The following AHDC1 variants were observed in gnomAD, a reference collection of about 807,000 sequenced individuals.
AHDC1 encodes the protein AT-hook DNA binding motif containing 1.
A neutral mutation model predicts 87.9 loss-of-function variants in AHDC1; 7 were observed. The observed-to-expected ratio is 0.08, with a 90% CI of 0.05 to 0.15. The LOEUF (loss-of-function observed/expected upper bound fraction) is 0.15, where lower values mean the gene tolerates loss of function less well. Among genes scored for constraint, AHDC1 ranks in the 10% least tolerant of loss-of-function variants. The pLI is 1.00. For synonymous variants in AHDC1, 1,051 were observed against 1,006.8 expected (o/e 1.04, Z -0.83); for missense variants, 1,841 against 2,253.2 (o/e 0.82, Z 3.70).
Position 27,548,487 on chromosome 1 carries a change from T to A in AHDC1, c.3629A>T (p.Glu1210Val). ...SLEKLMMDWN[E>V]ASSAPGYNWN... ...GTTGTAGCCGGGGGCAGATGATGCCTCGTTCCAGTCCATCATCAGTTTCTC... is the reference window on the plus strand; with the variant it reads ...GTTGTAGCCGGGGGCAGATGATGCCACGTTCCAGTCCATCATCAGTTTCTC... The change falls in exon 8 of 9, where the codon GAG becomes GTG. Residue 1210 changes from glutamate (E) to valine (V), a missense_variant. Glu to Val is a moderately radical substitution (Grantham distance 121). Coordinates refer to ENST00000673934, the MANE Select transcript of AHDC1 (RefSeq NM_001371928.1). 1 of 1,613,906 alleles carries A rather than the reference T, an allele frequency of 6.2e-7. No individual in the cohort carries two copies. The highest frequency in any genetic ancestry group is 8.5e-7 in the Non-Finnish European group (1 of 1,180,028).
chr1:27,543,875 A>G (rs1170553187), intron 8 of AHDC1, among the ~76,000 whole-genome samples: 1 of 152,088 alleles, frequency 6.6e-6, no homozygotes, highest in Non-Finnish European at 1.5e-5. Context: ...CCCAGGAGGC[A>G]GAGGCTGCAG....
intron 3 of AHDC1, among the ~76,000 whole-genome samples, chr1:27,579,940 A>G (rs1357486374): frequency 3.9e-5 from 6 of 152,190 alleles, no homozygotes; most frequent in Non-Finnish European, 8.8e-5. Flanking sequence ...GTGGTTCTAG[A>G]CAGTGCTGCC....
intron 3 of AHDC1, among the ~76,000 whole-genome samples, chr1:27,580,867 G>A (rs1375908600): frequency 6.6e-6 from 1 of 151,740 alleles, no homozygotes; most frequent in Non-Finnish European, 1.5e-5. Context: ...ATGGAGTCTC[G>A]CTCTGTCGCC....
At chr1:27,576,821 C>G (rs1411190229) in intron 3 of AHDC1, among the ~76,000 whole-genome samples, 1 of 152,202 alleles carries the variant, frequency 6.6e-6, no homozygotes, top group Non-Finnish European at 1.5e-5. Context: ...CAGTGTCACC[C>G]TTACAACAGT....
chr1:27,598,484 G>A lies in AHDC1; in HGVS notation c.-629+4913C>T, dbSNP rs548371606. ...GGCCAGGAGAGGCCAGGCCTTGGGC[G>A]AAGGAGGGGCTGGGAGCCAGGGCTT... On this transcript the variant is annotated intron_variant, in intron 3 of 8. Transcript: ENST00000673934. This position sits in a 1 kb window ranked among gnomAD's most constrained non-coding sequence, Gnocchi z 4.2. 5.9e-5 allele frequency among the ~76,000 whole-genome samples: 9 copies of A among 152,332 alleles called. No homozygotes were observed. Among genetic ancestry groups the A allele is most frequent in the East Asian group, 3.9e-4 (2 of 5,182 alleles).
intron 8 of AHDC1, among the ~76,000 whole-genome samples, chr1:27,541,024 A>AAAAAAAC (rs2018889590): frequency 7.2e-6 from 1 of 138,552 alleles, no homozygotes; most frequent in African/African-American, 2.8e-5. Context: ...AAAAAAAAAA[A>AAAAAAAC]AACAACAACA....
chr1:27,573,140 T>A (rs2088595778), intron 3 of AHDC1, among the ~76,000 whole-genome samples: 1 of 151,838 alleles, frequency 6.6e-6, no homozygotes, highest in Non-Finnish European at 1.5e-5. Context: ...GGGGGTGGGG[T>A]GGGGATACCT....
chr1:27,550,302 G>A lies in AHDC1; in HGVS notation c.1814C>T (p.Ala605Val). 1 of 1,614,120 alleles carries A rather than the reference G, an allele frequency of 6.2e-7. No individual in the cohort carries two copies. The highest frequency in any genetic ancestry group is 8.5e-7 in the Non-Finnish European group (1 of 1,179,996). The change falls in exon 8 of 9, where the codon GCC (alanine) becomes GTC (valine). Residue 605 changes from alanine to valine, a missense_variant. Physicochemically the swap from Ala to Val is moderately conservative, Grantham distance 64. This residue lies in a region of AHDC1 where 84 missense variants were observed against 111.7 expected (regional missense o/e 0.75). Transcript: ENST00000673934. ...TGAGTACTCGGCCTTGCTGTCGTTG[G>A]CGTCTGCTGCATAGGATGGCTGGGG... is the stretch of plus-strand genomic sequence containing the variant. ...ASPQPSYAAD[A>V]NDSKAEYSDV... is the part of the protein sequence containing the mutation.
In AHDC1 at chr1:27,547,466, G is replaced by C. The variant is rs753712788; in HGVS notation, c.4650C>G (p.Pro1550=). Residue 1550 remains proline (P), a synonymous_variant, in exon 8 of 9, where the codon CCC becomes CCG. Coordinates refer to ENST00000673934, the MANE Select transcript of AHDC1 (RefSeq NM_001371928.1). The surrounding 1 kb of genome is among the most constrained non-coding windows in gnomAD (Gnocchi z 4.9). Reference sequence around the variant, plus strand: ...GGGGCAGCAGCGAGTCCCTCGGCACGGGGGACAGGGTCAAGTCACTAAGGA... The same window carrying C: ...GGGGCAGCAGCGAGTCCCTCGGCACCGGGGACAGGGTCAAGTCACTAAGGA... ...CPLLSDLTLS[P]VPRDSLLPLQ... is the part of the protein sequence containing the mutation. 1.9e-6 allele frequency: 3 copies of C among 1,595,506 alleles called. No individual in the cohort carries two copies. Among genetic ancestry groups the C allele is most frequent in the Middle Eastern group, 3.3e-4 (2 of 6,002 alleles).
chr1:27,541,856 C>T (rs1456803011), intron 8 of AHDC1, among the ~76,000 whole-genome samples: 1 of 152,220 alleles, frequency 6.6e-6, no homozygotes, highest in Non-Finnish European at 1.5e-5. Context: ...TCTCGAACTC[C>T]CAACCTCAGG....
At chr1:27,543,277 T>C (rs528349260) in intron 8 of AHDC1, among the ~76,000 whole-genome samples, 7 of 152,290 alleles carry the variant, frequency 4.6e-5, no homozygotes, top group Admixed American at 2.6e-4. Flanking sequence ...CAGGGTCTGA[T>C]AGGGTCGATC....
At chr1:27,596,422 G>A (rs765922279) in intron 3 of AHDC1, among the ~76,000 whole-genome samples, 6 of 152,082 alleles carry the variant, frequency 3.9e-5, no homozygotes, top group South Asian at 2.1e-4. Flanking sequence ...AACCACTGAC[G>A]CCAGAAGAGA....
intron 3 of AHDC1, among the ~76,000 whole-genome samples, chr1:27,584,618 A>T (rs535123120): frequency 6.6e-6 from 1 of 151,850 alleles, no homozygotes; most frequent in East Asian, 1.9e-4. Context: ...CAACCCTTCC[A>T]CCTCTCCCAT....
Position 27,551,453 on chromosome 1 carries a change from CGCAGCCGTGGCT to C in AHDC1, c.651_662del (p.Ala220_Thr223del). ...CAGGCTCTGGGGGCAGACCCGTGGC[CGCAGCCGTGGCT>C]CCGGGACTATGGCCTTGGCCAGGCT... is the stretch of plus-strand genomic sequence containing the variant. On this transcript the variant is annotated inframe_deletion, in exon 8 of 9. Transcript: ENST00000673934. The C allele has an allele frequency of 1.2e-6, 2 of 1,611,890 alleles. No individual in the cohort carries two copies. The highest frequency in any genetic ancestry group is 1.7e-6 in the Non-Finnish European group (2 of 1,179,658).
At chr1:27,572,025 G>A (rs1446058931) in intron 3 of AHDC1, among the ~76,000 whole-genome samples, 1 of 151,990 alleles carries the variant, frequency 6.6e-6, no homozygotes, top group Non-Finnish European at 1.5e-5. Context: ...TGGGCCCTCA[G>A]CTCCTGCCAG....
intron 3 of AHDC1, among the ~76,000 whole-genome samples, chr1:27,600,402 C>A (rs1295350517): frequency 6.6e-6 from 1 of 151,368 alleles, no homozygotes; most frequent in African/African-American, 2.4e-5. Flanking sequence ...GGTACACAGG[C>A]ATGGCACCCC....
intron 3 of AHDC1, among the ~76,000 whole-genome samples, chr1:27,585,253 CA>C (rs35143338): frequency 0.03 from 2,013 of 66,336 alleles, 16 homozygotes; most frequent in African/African-American, 0.057. Context: ...GACCCTGTCT[CA>C]AAAAAAAAAA....
chr1:27,589,296 T>C (rs1344190968), intron 3 of AHDC1, among the ~76,000 whole-genome samples: 7 of 152,206 alleles, frequency 4.6e-5, no homozygotes, highest in African/African-American at 1.7e-4. Context: ...TTTGTCTGTG[T>C]CCGGGTGTGC....
chr1:27,580,191 C>A (rs151102844), intron 3 of AHDC1, among the ~76,000 whole-genome samples: 59 of 152,246 alleles, frequency 3.9e-4, no homozygotes, highest in Admixed American at 5.9e-4. Flanking sequence ...GGGGTAAGCC[C>A]TTCCAGAACA....
Sources: gnomAD v4.1 joint callset for allele counts (sites outside exome capture counted in the v4.1 genomes callset) on GRCh38, gnomAD v4.1.1 for gene constraint, gnomAD v4.1.1 regional missense constraint, Gnocchi (gnomAD v3.1) non-coding constraint, MANE v1.5 for transcripts, NCBI Gene and HGNC (gene_info 2026-07-23, HGNC 2026-07-21) for gene names.